Variants in CATSPER2 observed in about 807,000 individuals in gnomAD.
The protein encoded by CATSPER2 is cation channel sperm associated 2.
In CATSPER2, 56 loss-of-function variants were observed where a neutral mutation model predicts 68.8. The ratio of observed to expected loss-of-function variants is 0.81; its 90% confidence interval spans 0.66 to 1.02. The LOEUF (loss-of-function observed/expected upper bound fraction) is 1.02. Ranked by LOEUF, CATSPER2 falls within the 50% of genes least tolerant of loss-of-function variation. The pLI is 0.00. For synonymous variants in CATSPER2, 198 were observed against 229.9 expected, an observed-to-expected ratio of 0.86 and a Z score of 1.26; for missense variants, 582 against 642.0, an observed-to-expected ratio of 0.91 and a Z score of 1.01.
intron 12 of CATSPER2, among the ~76,000 whole-genome samples, chr15:43,631,693 C>A (rs1418029892): frequency 6.6e-6 from 1 of 151,906 alleles, no homozygotes; most frequent in Non-Finnish European, 1.5e-5. Flanking sequence ...GGGGCAGATA[C>A]AAACAGAAGT....
In CATSPER2 at chr15:43,647,350, T is replaced by C. The variant is rs1293316655; in HGVS notation, c.263A>G (p.His88Arg). 1.9e-6 allele frequency: 3 copies of C among 1,612,880 alleles called. No individual in the cohort carries two copies. The highest frequency in any genetic ancestry group is 2.5e-6 in the Non-Finnish European group (3 of 1,179,056). ...AGGTGGCCTCTGACTGCAGCGCACA[T>C]GAAGCCTGCTCAACAGCCTCTGGGC... Reference protein sequence around the residue: ...SHAQRLLSRLHVRCSQRPPLS... With the variant: ...SHAQRLLSRLRVRCSQRPPLS... Residue 88 changes from histidine (H) to arginine (R), a missense_variant, in exon 3 of 13, where the codon CAT (histidine) becomes CGT (arginine). By Grantham distance (29) the His-to-Arg change is conservative. Coordinates refer to ENST00000396879, the MANE Select transcript of CATSPER2 (RefSeq NM_172095.4).
rs1275736849 is a variant in CATSPER2, at chr15:43,636,095, G to C, written c.967C>G (p.Leu323Val). The C allele has an allele frequency of 6.3e-7, 1 of 1,597,546 alleles. No homozygotes were observed. Among genetic ancestry groups the C allele is most frequent in the African/African-American group, 1.3e-5 (1 of 74,116 alleles). Residue 323 changes from leucine to valine, a missense_variant, in exon 8 of 13, where the codon CTT becomes GTT. Around this residue, in one of 5 missense-constraint regions of CATSPER2, gnomAD observed 235 missense variants for 264.2 expected, o/e 0.89. Coordinates refer to ENST00000396879, the MANE Select transcript of CATSPER2 (RefSeq NM_172095.4). ...ATAATGGAGCCAAGCAACAACCAAA[G>C]GATGAAATAGATGCTGCTGAAGATG... ...SRIFSSIYFI[L>V]WLLLGSIIFR...
rs1277589566 is a variant in CATSPER2 at position 43,647,111 on chromosome 15, G to A, written c.327C>T (p.Leu109=). 1.2e-6 allele frequency: 2 copies of A among 1,612,098 alleles called. No homozygotes were observed. Among genetic ancestry groups the A allele is most frequent in the South Asian group, 1.1e-5 (1 of 91,004 alleles). ...CCAGGAAGATGATGAAGTTTTTGAA[G>A]AGAGGACCTGTTGTCTCTTAAGGAA... ...LWAGWVLECP[L]FKNFIIFLVF... is the part of the protein sequence containing the mutation. The change falls in exon 4 of 13, where the codon CTC becomes CTT. Residue 109 remains leucine, a synonymous_variant. Transcript: ENST00000396879.
chr15:43,647,778 T>C (rs12911194), intron 2 of CATSPER2, 139 bp downstream of exon 2: 3 of 977,278 alleles, frequency 3.1e-6, no homozygotes, highest in Admixed American at 1.9e-5. Flanking sequence ...ATTCTATCTC[T>C]TCAGTTTTAT....
chr15:43,638,932 G>A lies in CATSPER2; in HGVS notation c.814C>T (p.Gln272Ter). Residue 272 changes from glutamine to a stop codon, truncating the protein, a stop_gained, in exon 7 of 13, where the codon CAG (glutamine) becomes TAG (stop). Transcript: ENST00000396879. LOFTEE classifies it high-confidence loss of function. ...VFSEYTRSPR[Q>*]DLEYHVFFSD... is the part of the protein sequence containing the mutation. ...AAGAACACATGGTACTCCAGGTCCT[G>A]ACGAGGTGAACGGGTGTACTCTGAG... The A allele has an allele frequency of 6.2e-7, 1 of 1,613,128 alleles. No homozygotes were observed. The highest frequency in any genetic ancestry group is 8.5e-7 in the Non-Finnish European group (1 of 1,179,482).
chr15:43,632,507 C>T (rs374328083), intron 11 of CATSPER2, 144 bp from the exon 12 acceptor site: 2 of 1,402,194 alleles, frequency 1.4e-6, no homozygotes, highest in Admixed American at 1.8e-5. Flanking sequence ...AGTAAGAAAC[C>T]ACTTTTTACA....
chr15:43,644,955 A>C lies in CATSPER2; in HGVS notation c.388+2095T>G, dbSNP rs539134453. Among the ~76,000 whole-genome samples, 25 of 152,196 alleles carry C rather than the reference A, an allele frequency of 1.6e-4. 1 individual carries two copies. In the South Asian group the frequency reaches 5.2e-3, roughly 32 times the overall value. On this transcript the variant is annotated intron_variant, in intron 4 of 12. Transcript: ENST00000396879. The stretch of plus-strand genomic sequence containing the variant: ...AAGTTAGTTCAAAATCTTCACCATT[A>C]CGAGGAGGAAATAAAACACCTCAAA...
intron 10 of CATSPER2, chr15:43,633,618 T>C (rs1266613004): frequency 6.5e-6 from 1 of 153,926 alleles, no homozygotes; most frequent in African/African-American, 2.4e-5. Flanking sequence ...ACCTTTTCAA[T>C]GAGGTCACCG....
chr15:43,645,922 T>C (rs1468255770), intron 4 of CATSPER2, among the ~76,000 whole-genome samples: 1 of 152,054 alleles, frequency 6.6e-6, no homozygotes, highest in Non-Finnish European at 1.5e-5. Context: ...TACTTATGTT[T>C]TGAATGTATT....
rs1413448936 is a variant in CATSPER2, at chr15:43,629,057, CT to C, written c.*1643del. On this transcript the variant is annotated 3_prime_UTR_variant, in exon 13 of 13. Transcript: ENST00000396879. ...GAAAGGAGTCACCGGCTCTCTTCCC[CT>C]GCATATGGGGAAATAGGTATGCAAG... is the stretch of plus-strand genomic sequence containing the variant. 2.0e-5 allele frequency: 3 copies of C among 150,252 alleles called. No individual in the cohort carries two copies. Among genetic ancestry groups the C allele is most frequent in the African/African-American group, 7.5e-5 (3 of 40,096 alleles). 9.3% of individuals were successfully genotyped at this position (150,252 alleles called of 1,614,324 possible). A position where few individuals can be genotyped will look rare whatever the true frequency, so the allele number is the denominator to read the frequency against.
intron 1 of CATSPER2, 146 bp from the exon 2 acceptor site, chr15:43,648,209 G>T: frequency 5.1e-6 from 5 of 978,330 alleles, no homozygotes; most frequent in Non-Finnish European, 8.1e-6. Flanking sequence ...CAGTTGGGAA[G>T]AACAAACATT....
At position 43,632,483 on chromosome 15, in the gene CATSPER2, G is replaced by A. The variant is rs904303787; in HGVS notation, c.1397-120C>T. The A allele has an allele frequency of 9.7e-6, 14 of 1,440,516 alleles. No homozygotes were observed. In the African/African-American group the frequency reaches 1.4e-4, roughly 15 times the overall value. The allele number at this position is 1,440,516 out of a possible 1,614,324, so 89.2% of individuals were successfully genotyped here. ...GAAAGAGGTAACAGGAAGCAAGGAG[G>A]GAAAGGGTGCATCAGTAAGAAACCA... is the stretch of plus-strand genomic sequence containing the variant. On this transcript the variant is annotated intron_variant, in intron 11 of 12. Coordinates refer to ENST00000396879, the MANE Select transcript of CATSPER2 (RefSeq NM_172095.4).
At chr15:43,631,926 T>A (rs2085878521) in intron 12 of CATSPER2, among the ~76,000 whole-genome samples, 1 of 152,004 alleles carries the variant, frequency 6.6e-6, no homozygotes, top group Non-Finnish European at 1.5e-5. Flanking sequence ...TTAGACTTTC[T>A]CTTCTTGGGA....
intron 7 of CATSPER2, chr15:43,637,572 T>G (rs2085985978): frequency 6.6e-6 from 1 of 151,990 alleles, no homozygotes; most frequent in African/African-American, 2.4e-5. Flanking sequence ...AACAGGATTA[T>G]CCACTCAAAA....
At chr15:43,645,287 C>A (rs888767243) in intron 4 of CATSPER2, among the ~76,000 whole-genome samples, 1 of 151,766 alleles carries the variant, frequency 6.6e-6, no homozygotes, top group East Asian at 2.0e-4. Flanking sequence ...AACTCCTGAG[C>A]TCAAGCGATC....
intron 4 of CATSPER2, among the ~76,000 whole-genome samples, chr15:43,643,500 C>A (rs2086108164): frequency 6.6e-6 from 1 of 151,722 alleles, no homozygotes; most frequent in Non-Finnish European, 1.5e-5. Flanking sequence ...ACCATACCCA[C>A]TAATTCTTGT....
chr15:43,642,955 A>G (rs1306396038), intron 4 of CATSPER2: 2 of 152,076 alleles, frequency 1.3e-5, no homozygotes, highest in Non-Finnish European at 2.9e-5. Context: ...AATAGAGACC[A>G]GGAGCCCAGT....
Position 43,630,696 on chromosome 15 carries a change from T to C in CATSPER2, c.*5A>G, listed in dbSNP as rs2085856603. On this transcript the variant is annotated 3_prime_UTR_variant, in exon 13 of 13. Coordinates refer to ENST00000396879, the MANE Select transcript of CATSPER2 (RefSeq NM_172095.4). ...GGCCCAAGGATATTGAAGCCATCCA[T>C]TGCTTTACTTGTCTTCCAAGTTCAT... 5.6e-6 allele frequency: 9 copies of C among 1,611,586 alleles called. No homozygotes were observed. Among genetic ancestry groups the C allele is most frequent in the African/African-American group, 5.3e-5 (4 of 74,882 alleles).
intron 10 of CATSPER2, chr15:43,634,523 T>G (rs1192563314): frequency 1.3e-5 from 2 of 152,052 alleles, no homozygotes; most frequent in Non-Finnish European, 2.9e-5. Flanking sequence ...CTGCTAAATT[T>G]TTGAGATGGG....
Sources: gnomAD v4.1 joint callset for allele counts (sites outside exome capture counted in the v4.1 genomes callset) on GRCh38, gnomAD v4.1.1 for gene constraint, gnomAD v4.1.1 regional missense constraint, MANE v1.5 for transcripts, NCBI Gene and HGNC (gene_info 2026-07-23, HGNC 2026-07-21) for gene names.